The following ASB9 variants were observed in gnomAD, a reference collection of about 807,000 sequenced individuals.
The protein encoded by ASB9 is ankyrin repeat and SOCS box containing 9, also known as ankyrin repeat and SOCS box protein 9.
Under a neutral mutation model 16.6 loss-of-function variants are expected in ASB9, and 5 were observed. The observed-to-expected ratio is 0.30, with a 90% CI of 0.16 to 0.63. The LOEUF (loss-of-function observed/expected upper bound fraction) is 0.63. Ranked by LOEUF, ASB9 falls within the 30% of genes least tolerant of loss-of-function variation. The probability of loss-of-function intolerance (pLI) is 0.82; values close to 1 mark genes in which losing one functional copy is unlikely to be tolerated. For missense variants in ASB9, 216 were observed against 229.4 expected (o/e 0.94, Z 0.38); for synonymous variants, 100 against 86.4 (o/e 1.16, Z -0.87).
rs1925774702 is a variant in ASB9 at position 15,258,903 on chromosome X, T to C, written c.137A>G (p.His46Arg). 1 of 1,211,373 alleles carries C rather than the reference T, an allele frequency of 8.3e-7. No individual in the cohort carries two copies. The highest frequency in any genetic ancestry group is 1.7e-5 in the African/African-American group (1 of 57,890). ...DWSPMHEAAIHGHQLSLRNLI... is the reference protein window; with the variant it reads ...DWSPMHEAAIRGHQLSLRNLI... Reference sequence around the variant, plus strand: ...GTTCCTCAGAGACAGCTGATGTCCGTGGATTGCAGCTTCATGCATAGGAGA... The same window carrying C: ...GTTCCTCAGAGACAGCTGATGTCCGCGGATTGCAGCTTCATGCATAGGAGA... Residue 46 changes from histidine (H) to arginine (R), a missense_variant, in exon 2 of 7, where the codon CAC becomes CGC. His to Arg is a conservative substitution (Grantham distance 29). Coordinates refer to ENST00000380488, the MANE Select transcript of ASB9 (RefSeq NM_001031739.3).
chrX:15,253,320 G>A (rs990786950), intron 3 of ASB9, among the ~76,000 whole-genome samples: 3 of 108,853 alleles, frequency 2.8e-5, no homozygotes, highest in East Asian at 3.0e-4. Context: ...CGCCGGGCAC[G>A]GTGGCTCACA....
chrX:15,257,149 C>G (rs1247951196), intron 2 of ASB9, among the ~76,000 whole-genome samples: 1 of 111,900 alleles, frequency 8.9e-6, no homozygotes, highest in East Asian at 2.8e-4. Flanking sequence ...GTGGCTCATG[C>G]CTATAATCCC....
In ASB9 at chrX:15,255,394, T is replaced by C. The variant is rs555078434; in HGVS notation, c.175-550A>G. 2.7e-5 allele frequency among the ~76,000 whole-genome samples: 3 copies of C among 111,716 alleles called. No individual in the cohort carries two copies. The South Asian group carries it at 1.1e-3, about 42-fold the overall frequency. ...AAAATTAGGCAAAACTACCCCATATTGTTTCAGAAGACATAATATATAGAG... is the reference window on the plus strand; with the variant it reads ...AAAATTAGGCAAAACTACCCCATATCGTTTCAGAAGACATAATATATAGAG... On this transcript the variant is annotated intron_variant, in intron 2 of 6. Coordinates refer to ENST00000380488, the MANE Select transcript of ASB9 (RefSeq NM_001031739.3).
At chrX:15,251,063 C>T (rs1414864937) in intron 4 of ASB9, among the ~76,000 whole-genome samples, 1 of 112,487 alleles carries the variant, frequency 8.9e-6, no homozygotes, top group East Asian at 2.8e-4. Flanking sequence ...AATGGTTTGA[C>T]CATAGGATGC....
At chrX:15,256,296 G>C (rs1006583259) in intron 2 of ASB9, among the ~76,000 whole-genome samples, 1 of 104,307 alleles carries the variant, frequency 9.6e-6, no homozygotes, top group Admixed American at 1.0e-4. Flanking sequence ...TGCATGGTTC[G>C]CAAGGCCTAA....
intron 1 of ASB9, among the ~76,000 whole-genome samples, chrX:15,259,626 C>T (rs1398578181): frequency 8.9e-6 from 1 of 112,245 alleles, no homozygotes; most frequent in East Asian, 2.8e-4. Flanking sequence ...CAGTTTCCTT[C>T]TCTGTAAAGT....
chrX:15,260,076 A>G (rs1569158284), intron 1 of ASB9, among the ~76,000 whole-genome samples: 1 of 112,049 alleles, frequency 8.9e-6, no homozygotes, highest in Non-Finnish European at 1.9e-5. Context: ...GAGAGTCTTA[A>G]TTATACCTCA....
intron 5 of ASB9, among the ~76,000 whole-genome samples, chrX:15,249,715 G>C (rs1924946229): frequency 8.9e-6 from 1 of 112,205 alleles, no homozygotes; most frequent in South Asian, 3.7e-4. Context: ...CCCTTTCCAG[G>C]CTAGAGGCTT....
rs893446568 is a variant in ASB9, at chrX:15,251,838, A to G, written c.433+416T>C. Among the ~76,000 whole-genome samples, 6 of 112,806 alleles carry G rather than the reference A, an allele frequency of 5.3e-5. No homozygotes were observed. The South Asian group carries it at 2.2e-3, about 41-fold the overall frequency. ...TTAAGGCCCTGAAATAGAAGAATAT[A>G]ATTTGTTTTATGAAATAACTTGATT... On this transcript the variant is annotated intron_variant, in intron 4 of 6. Transcript: ENST00000380488.
intron 1 of ASB9, among the ~76,000 whole-genome samples, chrX:15,267,756 A>AC (rs1926645434): frequency 3.8e-5 from 1 of 26,524 alleles, no homozygotes; most frequent in African/African-American, 1.3e-4. Flanking sequence ...AAAAAACAAA[A>AC]AAAAAAAAAA....
intron 1 of ASB9, among the ~76,000 whole-genome samples, chrX:15,266,311 G>T (rs1192040740): frequency 8.9e-6 from 1 of 112,006 alleles, no homozygotes; most frequent in Admixed American, 9.5e-5. Flanking sequence ...GAGAACCACT[G>T]GATGAATGCA....
chrX:15,254,143 G>A (rs1260662006), intron 3 of ASB9, among the ~76,000 whole-genome samples: 1 of 111,928 alleles, frequency 8.9e-6, no homozygotes, highest in Non-Finnish European at 1.9e-5. Flanking sequence ...CATGGACAAG[G>A]TTGCTTATGT....
chrX:15,247,855 G>C (rs1924793764), intron 6 of ASB9, among the ~76,000 whole-genome samples: 1 of 112,152 alleles, frequency 8.9e-6, no homozygotes. Context: ...GGACTTGACT[G>C]CAAGTACCCT....
intron 1 of ASB9, among the ~76,000 whole-genome samples, chrX:15,262,655 G>A (rs764396369): frequency 1.2e-4 from 14 of 112,576 alleles, no homozygotes; most frequent in East Asian, 2.8e-4. Flanking sequence ...TTTTTGAGAC[G>A]GAGTCTCATT....
In ASB9 at chrX:15,253,190, C is replaced by T. The variant is rs145139076; in HGVS notation, c.283-786G>A. 6.7e-3 allele frequency among the ~76,000 whole-genome samples: 739 copies of T among 109,569 alleles called. 6 individuals are homozygous for T. The highest frequency in any genetic ancestry group is 0.023 in the African/African-American group (689 of 29,995). ...CAGAGGTTGCAGTGAACCGAGATCACGCCACTGCACTCCAGCCTGGGCGAC... is the reference window on the plus strand; with the variant it reads ...CAGAGGTTGCAGTGAACCGAGATCATGCCACTGCACTCCAGCCTGGGCGAC... On this transcript the variant is annotated intron_variant, in intron 3 of 6. Transcript: ENST00000380488.
chrX:15,256,784 A>AAAAAG (rs1555931686), intron 2 of ASB9, among the ~76,000 whole-genome samples: 2 of 106,956 alleles, frequency 1.9e-5, no homozygotes, highest in African/African-American at 6.8e-5. Flanking sequence ...TCAAAAAAAA[A>AAAAAG]AAAAAAAAAA....
At chrX:15,248,396 C>A (rs1924840227) in intron 6 of ASB9, among the ~76,000 whole-genome samples, 1 of 111,919 alleles carries the variant, frequency 8.9e-6, no homozygotes, top group Non-Finnish European at 1.9e-5. Context: ...CTCTTACAAC[C>A]CCAAAGAGGA....
intron 2 of ASB9, among the ~76,000 whole-genome samples, chrX:15,256,865 A>T (rs1925614146): frequency 9.1e-6 from 1 of 110,054 alleles, no homozygotes; most frequent in Admixed American, 9.7e-5. Context: ...TTTACTATTC[A>T]TACCTAAGAC....
At chrX:15,244,653 G>C (rs762550083) in intron 6 of ASB9, 23 bp from the exon 7 acceptor site, 11 of 1,172,824 alleles carry the variant, frequency 9.4e-6, no homozygotes, top group Non-Finnish European at 1.3e-5. Flanking sequence ...CATAAGACAA[G>C]TCATACAATG....
Sources: allele counts gnomAD v4.1 joint callset (sites outside exome capture counted in the v4.1 genomes callset), GRCh38; gene constraint gnomAD v4.1.1; transcripts MANE v1.5; gene names NCBI Gene and HGNC (gene_info 2026-07-23, HGNC 2026-07-21).